MALRD1: variants seen among roughly 807,000 people sequenced by gnomAD.
MALRD1 encodes the protein MAM and LDL receptor class A domain containing 1, also known as MAM and LDL-receptor class A domain-containing protein 1.
A neutral mutation model predicts 242.1 loss-of-function variants in MALRD1; 247 were observed. The observed-to-expected ratio is 1.02, with a 90% confidence interval of 0.92 to 1.13. The LOEUF is 1.13. Ranked by LOEUF, MALRD1 falls within the 50% of genes most tolerant of loss-of-function variation. The pLI is 0.00. For synonymous variants in MALRD1, 995 were observed against 866.6 expected, an observed-to-expected ratio of 1.15 and a Z score of -2.60; for missense variants, 2,989 against 2,533.1, an observed-to-expected ratio of 1.18 and a Z score of -3.86.
At chr10:19,642,483 A>G (rs911536734) in intron 36 of MALRD1, among the ~76,000 whole-genome samples, 2 of 152,272 alleles carry the variant, frequency 1.3e-5, no homozygotes, top group Admixed American at 1.3e-4. Flanking sequence ...TTCTCAGTAA[A>G]AGTGGAAGAT....
intron 33 of MALRD1, among the ~76,000 whole-genome samples, chr10:19,574,902 G>A (rs757670116): frequency 3.9e-5 from 6 of 152,134 alleles, no homozygotes; most frequent in Non-Finnish European, 8.8e-5. Context: ...GCAGTTAGAT[G>A]CAGAAGACTT....
intron 38 of MALRD1, among the ~76,000 whole-genome samples, chr10:19,713,906 G>A (rs1834257899): frequency 6.6e-6 from 1 of 152,196 alleles, no homozygotes; most frequent in Non-Finnish European, 1.5e-5. Context: ...TATTGCTCTT[G>A]CAGAGCATGC....
chr10:19,599,742 G>C (rs187823063), intron 34 of MALRD1, among the ~76,000 whole-genome samples: 5 of 152,266 alleles, frequency 3.3e-5, no homozygotes, highest in Admixed American at 2.0e-4. Flanking sequence ...AGACCAAAGA[G>C]TGTGAGAGGA....
At chr10:19,510,371 G>A (rs576714265) in intron 31 of MALRD1, among the ~76,000 whole-genome samples, 19 of 152,310 alleles carry the variant, frequency 1.2e-4, no homozygotes, top group African/African-American at 3.8e-4. Flanking sequence ...GGGATGGTCA[G>A]GTCTTTCCCT....
chr10:19,471,764 G>C (rs945635741), intron 29 of MALRD1, among the ~76,000 whole-genome samples: 1 of 150,914 alleles, frequency 6.6e-6, no homozygotes, highest in Non-Finnish European at 1.5e-5. Flanking sequence ...TTTGCAAGTT[G>C]ATTTTTGCAT....
chr10:19,434,456 T>A (rs1375320457), intron 28 of MALRD1, among the ~76,000 whole-genome samples: 1 of 152,020 alleles, frequency 6.6e-6, no homozygotes, highest in African/African-American at 2.4e-5. Context: ...TTTTTAAAAA[T>A]TCAAAATATA....
chr10:19,053,013 A>G (rs1834556252), intron 1 of MALRD1, among the ~76,000 whole-genome samples: 1 of 152,154 alleles, frequency 6.6e-6, no homozygotes, highest in African/African-American at 2.4e-5. Context: ...ACCTCCCTTG[A>G]TTAGTTCTGG....
At chr10:19,262,885 A>T (rs1307843468) in intron 19 of MALRD1, among the ~76,000 whole-genome samples, 4 of 151,990 alleles carry the variant, frequency 2.6e-5, no homozygotes, top group Non-Finnish European at 5.9e-5. Context: ...ATCATGCAGT[A>T]TTTGCTTTCT....
intron 5 of MALRD1, among the ~76,000 whole-genome samples, chr10:19,112,830 T>G (rs2131357110): frequency 6.6e-6 from 1 of 152,332 alleles, no homozygotes; most frequent in Middle Eastern, 3.4e-3. Flanking sequence ...ATCAACAATG[T>G]TTAGAAGTAA....
At chr10:19,201,979 C>A (rs1200917296) in intron 14 of MALRD1, among the ~76,000 whole-genome samples, 1 of 151,954 alleles carries the variant, frequency 6.6e-6, no homozygotes, top group East Asian at 1.9e-4. Context: ...CCCTGCCCAG[C>A]TAATTTTTGT....
intron 28 of MALRD1, among the ~76,000 whole-genome samples, chr10:19,407,186 C>G (rs1444071598): frequency 1.3e-5 from 2 of 152,114 alleles, no homozygotes; most frequent in Non-Finnish European, 2.9e-5. Context: ...TAAATAACCC[C>G]TGGCCAGGCA....
intron 38 of MALRD1, among the ~76,000 whole-genome samples, chr10:19,724,048 ACT>A (rs1247762665): frequency 6.6e-6 from 1 of 152,132 alleles, no homozygotes; most frequent in Non-Finnish European, 1.5e-5. Context: ...ACAGAGTGAG[ACT>A]CTGTCTCTAA....
intron 29 of MALRD1, among the ~76,000 whole-genome samples, chr10:19,470,997 T>G (rs1564370182): frequency 6.6e-6 from 1 of 151,952 alleles, no homozygotes; most frequent in Non-Finnish European, 1.5e-5. Flanking sequence ...GGGGTTGACA[T>G]CCAAAAATTT....
intron 32 of MALRD1, among the ~76,000 whole-genome samples, chr10:19,561,714 A>ATTTTTTTTT (rs72513837): frequency 6.7e-6 from 1 of 149,126 alleles, no homozygotes; most frequent in Non-Finnish European, 1.5e-5. Flanking sequence ...GCCTCTCAGC[A>ATTTTTTTTT]TTTTTTTTTT....
chr10:19,557,408 A>G (rs934118262), intron 32 of MALRD1, among the ~76,000 whole-genome samples: 2 of 152,118 alleles, frequency 1.3e-5, no homozygotes, highest in African/African-American at 2.4e-5. Flanking sequence ...TACAAGTTTT[A>G]TAGTTTGCAG....
intron 32 of MALRD1, among the ~76,000 whole-genome samples, chr10:19,543,433 C>CTTATTTTTTTT (rs1835070650): frequency 9.4e-6 from 1 of 106,436 alleles, no homozygotes; most frequent in East Asian, 2.9e-4. Context: ...CAGCTGATTT[C>CTTATTTTTTTT]TTTTTTTTTT....
chr10:19,202,868 T>C (rs1297825144), intron 14 of MALRD1, among the ~76,000 whole-genome samples: 2 of 152,170 alleles, frequency 1.3e-5, no homozygotes, highest in Non-Finnish European at 2.9e-5. Flanking sequence ...GGAGTCACAA[T>C]ATTTGGATTA....
At chr10:19,062,846 C>A (rs1834861852) in intron 1 of MALRD1, among the ~76,000 whole-genome samples, 3 of 151,888 alleles carry the variant, frequency 2.0e-5, no homozygotes, top group African/African-American at 7.3e-5. Flanking sequence ...ATACTGAATA[C>A]CACAGAACTA....
intron 21 of MALRD1, among the ~76,000 whole-genome samples, chr10:19,312,124 C>T (rs1378967650): frequency 3.3e-5 from 5 of 151,114 alleles, no homozygotes; most frequent in Admixed American, 2.0e-4. Context: ...ACATATACCA[C>T]GCATTAAAAT....
Sources: allele counts gnomAD v4.1 joint callset (sites outside exome capture counted in the v4.1 genomes callset), GRCh38; gene constraint gnomAD v4.1.1; transcripts MANE v1.5; gene names NCBI Gene and HGNC (gene_info 2026-07-23, HGNC 2026-07-21).